The following ARHGAP22 variants were observed in gnomAD, a reference collection of about 807,000 sequenced individuals.
ARHGAP22 encodes Rho GTPase activating protein 22.
ARHGAP22 carries 48 observed loss-of-function variants against 59.1 expected under a neutral mutation model. The ratio of observed to expected loss-of-function variants is 0.81; its 90% CI spans 0.64 to 1.03. The LOEUF is 1.03. Among genes scored for constraint, ARHGAP22 ranks in the 50% least tolerant of loss-of-function variants. ARHGAP22 has a pLI of 0.00. For missense variants in ARHGAP22, 1,015 were observed against 958.7 expected (o/e 1.06, Z -0.78); for synonymous variants, 445 against 416.4 (o/e 1.07, Z -0.84).
intron 4 of ARHGAP22, among the ~76,000 whole-genome samples, chr10:48,466,906 G>T (rs1334395272): frequency 2.0e-5 from 3 of 152,184 alleles, no homozygotes; most frequent in Non-Finnish European, 4.4e-5. Context: ...ACGTTCCCGG[G>T]CACCGCAGGA....
intron 2 of ARHGAP22, among the ~76,000 whole-genome samples, chr10:48,565,872 A>G (rs183575194): frequency 1.5e-3 from 225 of 152,250 alleles, no homozygotes; most frequent in Non-Finnish European, 2.3e-3. Flanking sequence ...TAATAATACC[A>G]TTGCTTGTGC....
chr10:48,639,285 A>C (rs1716978179), intron 1 of ARHGAP22, among the ~76,000 whole-genome samples: 2 of 152,222 alleles, frequency 1.3e-5, no homozygotes, highest in African/African-American at 4.8e-5. Context: ...GGTTGCAGTC[A>C]AGGTTGGGGC....
chr10:48,543,106 A>G (rs548990886), intron 3 of ARHGAP22, among the ~76,000 whole-genome samples: 152 of 152,250 alleles, frequency 1.0e-3, no homozygotes, highest in African/African-American at 3.5e-3. Flanking sequence ...TTGAGTATCC[A>G]TGTGCCCAAG....
chr10:48,448,688 T>C (rs995916708), intron 9 of ARHGAP22, among the ~76,000 whole-genome samples: 11 of 148,866 alleles, frequency 7.4e-5, no homozygotes, highest in Non-Finnish European at 1.6e-4. Context: ...TGCCCTCACC[T>C]TCCTTCCTGT....
intron 1 of ARHGAP22, among the ~76,000 whole-genome samples, chr10:48,611,820 T>C: frequency 7.0e-5 from 1 of 14,282 alleles, no homozygotes. Flanking sequence ...TCCCTTCCCT[T>C]CCCTTCCCTT....
Position 48,451,088 on chromosome 10 carries a change from C to G in ARHGAP22, c.1041G>C (p.Gln347His), listed in dbSNP as rs1161217151. Residue 347 changes from glutamine (Q) to histidine (H), a missense_variant, in exon 9 of 10, where the codon CAG (glutamine) becomes CAC (histidine). Transcript: ENST00000249601. Reference sequence around the variant, plus strand: ...CTTCCGGGACCGGTGCCGTGAAGAGCTGGCTGTGTTTGCGGATGAGGACGG... The same window carrying G: ...CTTCCGGGACCGGTGCCGTGAAGAGGTGGCTGTGTTTGCGGATGAGGACGG... The part of the protein sequence containing the change: ...LMTVLIRKHS[Q>H]LFTAPVPEGP... 2 of 1,553,148 alleles carry G rather than the reference C, an allele frequency of 1.3e-6. No individual in the cohort carries two copies. Among genetic ancestry groups the G allele is most frequent in the Non-Finnish European group, 1.7e-6 (2 of 1,148,218 alleles).
upstream of ARHGAP22, among the ~76,000 whole-genome samples, chr10:48,609,811 C>A (rs77822411): frequency 6.6e-6 from 1 of 152,172 alleles, no homozygotes; most frequent in African/African-American, 2.4e-5. Context: ...TAGAGGAGTA[C>A]GAGTTTTTCC....
upstream of ARHGAP22, among the ~76,000 whole-genome samples, chr10:48,655,035 T>TTTCTTTCTTTCTTTCA (rs1565069804): frequency 4.9e-5 from 3 of 61,384 alleles, no homozygotes; most frequent in Admixed American, 1.8e-4. Context: ...TCTTTCATTC[T>TTTCTTTCTTTCTTTCA]TTCTTTCTTT....
At chr10:48,539,713 T>A (rs1181611657) in intron 3 of ARHGAP22, among the ~76,000 whole-genome samples, 1 of 152,250 alleles carries the variant, frequency 6.6e-6, no homozygotes, top group East Asian at 1.9e-4. Flanking sequence ...TCTGAATACC[T>A]TTCCATAGAA....
rs1012495348 is a variant in ARHGAP22 at position 48,643,723 on chromosome 10, G to A, written c.52+8511C>T. 3.2e-4 allele frequency among the ~76,000 whole-genome samples: 46 copies of A among 141,906 alleles called. 1 individual carries two copies. Among genetic ancestry groups the A allele is most frequent in the African/African-American group, 1.3e-3 (44 of 34,336 alleles). 93.1% of individuals were successfully genotyped at this position (141,906 alleles called of 152,430 possible). A position where few individuals can be genotyped will look rare whatever the true frequency, so the allele number is the denominator to read the frequency against. On this transcript the variant is annotated intron_variant, in intron 1 of 9. Coordinates refer to the ARHGAP22 transcript ENST00000435790. ...CATATGTAACAAACCTGCATGTTAT[G>A]CACATGTACCTAGAACTTAAAGTAT...
intron 1 of ARHGAP22, among the ~76,000 whole-genome samples, chr10:48,651,423 A>G (rs1270871395): frequency 6.6e-6 from 1 of 152,034 alleles, no homozygotes; most frequent in African/African-American, 2.4e-5. Flanking sequence ...TAGTCCACCC[A>G]GCCAGCACCT....
chr10:48,532,163 A>G (rs2054908922), intron 3 of ARHGAP22, among the ~76,000 whole-genome samples: 1 of 152,146 alleles, frequency 6.6e-6, no homozygotes. Context: ...GGATATGGAC[A>G]CCCGCCCAGG....
At chr10:48,606,554 G>A (rs200901889), upstream of ARHGAP22, among the ~76,000 whole-genome samples, 4 of 152,258 alleles carry the variant, frequency 2.6e-5, no homozygotes, top group East Asian at 3.9e-4. Context: ...ATCTCTTGCC[G>A]ATGCTCTATA....
chr10:48,536,377 G>C (rs1052696412), intron 3 of ARHGAP22, among the ~76,000 whole-genome samples: 1 of 152,244 alleles, frequency 6.6e-6, no homozygotes, highest in Admixed American at 6.5e-5. Flanking sequence ...TCATGCTAGA[G>C]GACAAAGTTT....
At chr10:48,454,272 G>GCCCCA in intron 6 of ARHGAP22, 111 bp from the exon 7 acceptor site, 1 of 980,542 alleles carries the variant, frequency 1.0e-6, no homozygotes, top group South Asian at 1.3e-5. Context: ...CGGCAGCCCA[G>GCCCCA]CCCCAACAGA....
chr10:48,510,887 C>G (rs1047487837), intron 3 of ARHGAP22: 1 of 152,232 alleles, frequency 6.6e-6, no homozygotes, highest in Admixed American at 6.5e-5. Context: ...AAGGCTGAGC[C>G]AGGTGATCTC....
chr10:48,493,596 C>T (rs1042536046), intron 3 of ARHGAP22: 16 of 1,477,116 alleles, frequency 1.1e-5, no homozygotes, highest in Middle Eastern at 2.4e-4. Flanking sequence ...TGCAGGGCTG[C>T]GGCCACTCGG....
Position 48,479,627 on chromosome 10 carries a change from G to A in ARHGAP22, c.451+9C>T, listed in dbSNP as rs756090612. On this transcript the variant is annotated intron_variant, in intron 4 of 9. Coordinates refer to ENST00000249601, the MANE Select transcript of ARHGAP22 (RefSeq NM_021226.4). ...TCTAGAGGGTGGGCATGCGATCTAC[G>A]GGCAGTACCTCCGCCCAGCGGGGCC... The A allele has an allele frequency of 2.0e-5, 32 of 1,613,908 alleles. 1 individual carries two copies. The highest frequency in any genetic ancestry group is 1.7e-4 in the Middle Eastern group (1 of 6,056).
chr10:48,645,635 G>A (rs1294477798), intron 1 of ARHGAP22, among the ~76,000 whole-genome samples: 1 of 152,088 alleles, frequency 6.6e-6, no homozygotes, highest in East Asian at 1.9e-4. Flanking sequence ...CAAACTAGGA[G>A]TAGAAGGGAA....
Sources: allele counts gnomAD v4.1 joint callset (sites outside exome capture counted in the v4.1 genomes callset), GRCh38; gene constraint gnomAD v4.1.1; transcripts MANE v1.5; gene names NCBI Gene and HGNC (gene_info 2026-07-23, HGNC 2026-07-21).